The following UNC5C variants were observed in gnomAD, a reference collection of about 807,000 sequenced individuals.
The protein encoded by UNC5C is unc-5 netrin receptor C.
UNC5C carries 47 observed loss-of-function variants against 99.8 expected under a neutral mutation model. The observed-to-expected ratio is 0.47, with a 90% CI of 0.37 to 0.60. UNC5C has a LOEUF of 0.60. Among genes scored for constraint, UNC5C ranks in the 20% least tolerant of loss-of-function variants. The pLI is 0.00. For missense variants in UNC5C, 1,062 were observed against 1,165.9 expected (o/e 0.91, Z 1.30); for synonymous variants, 487 against 452.2 (o/e 1.08, Z -0.98).
intron 1 of UNC5C, among the ~76,000 whole-genome samples, chr4:95,503,470 T>A (rs531574092): frequency 1.3e-5 from 2 of 152,188 alleles, no homozygotes; most frequent in Admixed American, 6.6e-5. Context: ...TTTTGTAACA[T>A]TAATAAGTTG....
At chr4:95,420,322 TG>T (rs1185111758) in intron 1 of UNC5C, among the ~76,000 whole-genome samples, 1 of 152,280 alleles carries the variant, frequency 6.6e-6, no homozygotes, top group East Asian at 1.9e-4. Context: ...TAGTCTACTG[TG>T]TAAGCAATTT....
intron 1 of UNC5C, among the ~76,000 whole-genome samples, chr4:95,358,408 TC>T (rs1463164986): frequency 4.6e-5 from 7 of 152,174 alleles, no homozygotes; most frequent in Non-Finnish European, 1.0e-4. Flanking sequence ...ATGACATTCT[TC>T]CAAAATTTAT....
chr4:95,276,574 G>T (rs1473837056), intron 4 of UNC5C, among the ~76,000 whole-genome samples: 1 of 152,150 alleles, frequency 6.6e-6, no homozygotes, highest in Non-Finnish European at 1.5e-5. Flanking sequence ...TACCCATGTT[G>T]CTCATGATCT....
intron 1 of UNC5C, among the ~76,000 whole-genome samples, chr4:95,487,903 G>A (rs1433591005): frequency 6.6e-6 from 1 of 151,748 alleles, no homozygotes; most frequent in Non-Finnish European, 1.5e-5. Context: ...CTGGGCTATA[G>A]TATCAAAATT....
chr4:95,229,891 A>C (rs1172347590), intron 7 of UNC5C, among the ~76,000 whole-genome samples: 1 of 141,966 alleles, frequency 7.0e-6, no homozygotes, highest in East Asian at 2.0e-4. Flanking sequence ...GCTCACTGCA[A>C]CCTGCACCTC....
chr4:95,471,922 G>A (rs73838876), intron 1 of UNC5C, among the ~76,000 whole-genome samples: 115 of 151,942 alleles, frequency 7.6e-4, no homozygotes, highest in African/African-American at 2.7e-3. Context: ...GGTATTTTAG[G>A]CCTCAAGTGT....
intron 1 of UNC5C, 31 bp from the exon 2 acceptor site, chr4:95,335,662 T>A: frequency 2.0e-6 from 3 of 1,527,604 alleles, no homozygotes; most frequent in Non-Finnish European, 2.7e-6. Context: ...GGAAGATGGT[T>A]AACACATTGT....
chr4:95,435,349 C>T (rs1746745316), intron 1 of UNC5C, among the ~76,000 whole-genome samples: 1 of 152,002 alleles, frequency 6.6e-6, no homozygotes, highest in Non-Finnish European at 1.5e-5. Flanking sequence ...AAATAGCCAC[C>T]TCTTTTTTAC....
chr4:95,457,479 C>T (rs1278088270), intron 1 of UNC5C, among the ~76,000 whole-genome samples: 1 of 152,082 alleles, frequency 6.6e-6, no homozygotes. Flanking sequence ...CACTTTTCAT[C>T]TGTCTGGGAA....
chr4:95,454,052 C>T (rs75163057), intron 1 of UNC5C, among the ~76,000 whole-genome samples: 2 of 152,028 alleles, frequency 1.3e-5, no homozygotes, highest in East Asian at 1.9e-4. Flanking sequence ...GGATGTTCTG[C>T]GGGGTTAAAA....
intron 4 of UNC5C, among the ~76,000 whole-genome samples, chr4:95,265,779 C>A (rs997888620): frequency 6.6e-6 from 1 of 152,150 alleles, no homozygotes; most frequent in Non-Finnish European, 1.5e-5. Flanking sequence ...CTTTGAATCC[C>A]AGCCCTCCCA....
intron 1 of UNC5C, among the ~76,000 whole-genome samples, chr4:95,475,575 G>T (rs915705241): frequency 6.6e-6 from 1 of 152,068 alleles, no homozygotes; most frequent in African/African-American, 2.4e-5. Flanking sequence ...ATTTGAAATA[G>T]ATATATATTC....
chr4:95,520,540 C>A (rs894490900), intron 1 of UNC5C, among the ~76,000 whole-genome samples: 2 of 150,960 alleles, frequency 1.3e-5, no homozygotes, highest in Non-Finnish European at 1.5e-5. Flanking sequence ...GCTGCAATTT[C>A]TTGAGCCATC....
chr4:95,222,400 T>C (rs7653969), intron 7 of UNC5C: 40,531 of 549,430 alleles, frequency 0.074, 4,013 homozygotes, highest in African/African-American at 0.36. Flanking sequence ...TGATTCAGTA[T>C]AAAATTATGA....
intron 1 of UNC5C, among the ~76,000 whole-genome samples, chr4:95,351,732 C>T (rs1743998739): frequency 6.6e-6 from 1 of 152,072 alleles, no homozygotes; most frequent in South Asian, 2.1e-4. Context: ...TATGCAAGTG[C>T]TAATGCCATC....
intron 5 of UNC5C, among the ~76,000 whole-genome samples, chr4:95,246,283 G>T (rs1031568939): frequency 5.3e-5 from 8 of 152,312 alleles, no homozygotes; most frequent in Non-Finnish European, 1.2e-4. Context: ...GAGGCTGGGT[G>T]CAGTGGCTCA....
At chr4:95,275,451 A>G (rs1194674586) in intron 4 of UNC5C, among the ~76,000 whole-genome samples, 5 of 152,296 alleles carry the variant, frequency 3.3e-5, no homozygotes, top group South Asian at 2.1e-4. Context: ...AGACACTATT[A>G]TTATCTCCCC....
chr4:95,525,815 G>T (rs1165349366), intron 1 of UNC5C, among the ~76,000 whole-genome samples: 1 of 152,056 alleles, frequency 6.6e-6, no homozygotes, highest in Admixed American at 6.6e-5. Flanking sequence ...TAACAAGAAT[G>T]GGAGGTAAGG....
At chr4:95,417,060 G>C (rs1746184998) in intron 1 of UNC5C, among the ~76,000 whole-genome samples, 1 of 152,156 alleles carries the variant, frequency 6.6e-6, no homozygotes, top group Admixed American at 6.6e-5. Context: ...CATGCCCAAG[G>C]TAAGTGTGAG....
Sources: gnomAD v4.1 joint callset for allele counts (sites outside exome capture counted in the v4.1 genomes callset) on GRCh38, gnomAD v4.1.1 for gene constraint, MANE v1.5 for transcripts, NCBI Gene and HGNC (gene_info 2026-07-23, HGNC 2026-07-21) for gene names.